NKAIN3: variants seen among roughly 807,000 people sequenced by gnomAD.
The protein encoded by NKAIN3 is sodium/potassium-transporting ATPase subunit beta-1-interacting protein 3.
A neutral mutation model predicts 30.2 loss-of-function variants in NKAIN3; 25 were observed. That is an observed-to-expected ratio of 0.83 (90% CI 0.60 to 1.16). The LOEUF is 1.16. NKAIN3 is among the 50% of genes most tolerant of loss of function. The pLI is 0.00. For synonymous variants in NKAIN3, 91 were observed against 89.6 expected (o/e 1.02, Z -0.09); for missense variants, 225 against 254.1 (o/e 0.89, Z 0.78).
chr8:62,579,901 G>A (rs888614716), intron 2 of NKAIN3, among the ~76,000 whole-genome samples: 1 of 152,104 alleles, frequency 6.6e-6, no homozygotes, highest in Admixed American at 6.6e-5. Context: ...TGATGACATG[G>A]TGTCACTCAC....
intron 3 of NKAIN3, among the ~76,000 whole-genome samples, chr8:62,649,678 T>C (rs1812568413): frequency 6.6e-6 from 1 of 152,126 alleles, no homozygotes; most frequent in Non-Finnish European, 1.5e-5. Flanking sequence ...TTTCTTCAAC[T>C]CTTAAAACAC....
chr8:62,850,332 T>C (rs180935399), intron 4 of NKAIN3, among the ~76,000 whole-genome samples: 210 of 152,160 alleles, frequency 1.4e-3, no homozygotes, highest in African/African-American at 4.9e-3. Context: ...TTTGTTGGAG[T>C]TCATTGTAGA....
rs568028147 is a variant in NKAIN3 at position 62,277,603 on chromosome 8, T to C, written c.54+28476T>C. 3.8e-4 allele frequency among the ~76,000 whole-genome samples: 58 copies of C among 152,316 alleles called. No homozygotes were observed. In the South Asian group the frequency reaches 0.012, roughly 31 times the overall value. ...AAACTGTCTAATATGTAGTCACCTC[T>C]AAAGTAATTCACTTAAGCTAAGTTA... On this transcript the variant is annotated intron_variant, in intron 1 of 6. Transcript: ENST00000623646.
intron 1 of NKAIN3, among the ~76,000 whole-genome samples, chr8:62,476,905 A>T (rs1806537692): frequency 6.6e-6 from 1 of 152,204 alleles, no homozygotes; most frequent in African/African-American, 2.4e-5. Context: ...AGAAAGAAAT[A>T]AAGTGGCTTG....
At position 62,267,001 on chromosome 8, in the gene NKAIN3, C is replaced by T. The variant is rs577785068; in HGVS notation, c.54+17874C>T. ...GCCACTTCAGTAAATGTTGCTAAGA[C>T]CACTGGCTTGCCCTTGAATTATTCC... On this transcript the variant is annotated intron_variant, in intron 1 of 6. Transcript: ENST00000623646. Among the ~76,000 whole-genome samples, 4 of 152,352 alleles carry T rather than the reference C, an allele frequency of 2.6e-5. No homozygotes were observed. The South Asian group carries it at 8.3e-4, about 32-fold the overall frequency.
intron 5 of NKAIN3, among the ~76,000 whole-genome samples, chr8:62,998,359 T>A (rs1002591658): frequency 2.2e-4 from 34 of 151,996 alleles, no homozygotes; most frequent in African/African-American, 7.7e-4. Context: ...TACTGAAACC[T>A]CCACCCCCTG....
chr8:62,488,784 T>A (rs868293258), intron 1 of NKAIN3, among the ~76,000 whole-genome samples: 2 of 152,096 alleles, frequency 1.3e-5, no homozygotes, highest in Admixed American at 6.5e-5. Context: ...TTTGCAAAGC[T>A]TGAGATGCTG....
At chr8:62,369,831 C>T (rs1425442555) in intron 1 of NKAIN3, among the ~76,000 whole-genome samples, 2 of 151,732 alleles carry the variant, frequency 1.3e-5, no homozygotes, top group Admixed American at 1.3e-4. Context: ...GCCTATCTCA[C>T]TGTTTCTTTG....
At chr8:62,754,254 T>C (rs920568357) in intron 4 of NKAIN3, among the ~76,000 whole-genome samples, 1 of 152,068 alleles carries the variant, frequency 6.6e-6, no homozygotes, top group Non-Finnish European at 1.5e-5. Context: ...AGTGGACTGC[T>C]CAGTTCTGGG....
At chr8:62,406,445 A>G (rs1274264017) in intron 1 of NKAIN3, among the ~76,000 whole-genome samples, 3 of 152,186 alleles carry the variant, frequency 2.0e-5, no homozygotes, top group African/African-American at 7.2e-5. Context: ...TGAAGGTATA[A>G]GTCTTTTATG....
chr8:62,647,188 G>A (rs1387655819), intron 3 of NKAIN3, among the ~76,000 whole-genome samples: 3 of 152,110 alleles, frequency 2.0e-5, no homozygotes, highest in African/African-American at 4.8e-5. Context: ...GAATTATTTT[G>A]ATACCATCCC....
In NKAIN3 at chr8:62,916,304, T is replaced by C. The variant is rs189632327; in HGVS notation, c.472-2149T>C. Among the ~76,000 whole-genome samples, 56 of 152,328 alleles carry C rather than the reference T, an allele frequency of 3.7e-4. No homozygotes were observed. The East Asian group carries it at 8.3e-3, about 23-fold the overall frequency. ...AGCAGTATATTTAAATAATACAAAT[T>C]TATGTAGTCATTAATAATTAAGCTT... On this transcript the variant is annotated intron_variant, in intron 4 of 6. Transcript: ENST00000623646.
At chr8:62,730,760 A>G (rs1407152262) in intron 3 of NKAIN3, among the ~76,000 whole-genome samples, 1 of 152,198 alleles carries the variant, frequency 6.6e-6, no homozygotes, top group African/African-American at 2.4e-5. Flanking sequence ...CTTGATATAC[A>G]ATTTCTTACT....
intron 3 of NKAIN3, among the ~76,000 whole-genome samples, chr8:62,681,031 A>C (rs576548019): frequency 6.6e-6 from 1 of 152,198 alleles, no homozygotes; most frequent in Non-Finnish European, 1.5e-5. Context: ...AATTATTTCA[A>C]TAAGGGAGAA....
In NKAIN3 at chr8:62,979,400, A is replaced by C. The variant is rs1477620534; in HGVS notation, c.*13993A>C. On this transcript the variant is annotated 3_prime_UTR_variant, in exon 7 of 7. Transcript: ENST00000623646. ...GCAGCTGTCACTGATGATTTAAACA[A>C]GATTGGGTGACTTATTTATGTACAC... The C allele has an allele frequency of 6.6e-6, 1 of 152,214 alleles. No individual in the cohort carries two copies. Among genetic ancestry groups the C allele is most frequent in the Non-Finnish European group, 1.5e-5 (1 of 68,050 alleles). 9.4% of individuals were successfully genotyped at this position (152,214 alleles called of 1,614,324 possible). A position where few individuals can be genotyped will look rare whatever the true frequency, so the allele number is the denominator to read the frequency against.
intron 1 of NKAIN3, among the ~76,000 whole-genome samples, chr8:62,314,161 T>C (rs1814539125): frequency 6.6e-6 from 1 of 152,160 alleles, no homozygotes; most frequent in Non-Finnish European, 1.5e-5. Context: ...AAATATTCCA[T>C]AATGTAACAC....
At chr8:62,635,739 T>C (rs920950160) in intron 3 of NKAIN3, among the ~76,000 whole-genome samples, 1 of 152,190 alleles carries the variant, frequency 6.6e-6, no homozygotes, top group Admixed American at 6.5e-5. Context: ...TGAACCTTCA[T>C]CTTGGACTTT....
intron 1 of NKAIN3, among the ~76,000 whole-genome samples, chr8:62,553,345 T>C (rs1809276745): frequency 6.6e-6 from 1 of 152,188 alleles, no homozygotes; most frequent in Non-Finnish European, 1.5e-5. Flanking sequence ...AAAATGAATG[T>C]CATTTAATAC....
Position 62,970,037 on chromosome 8 carries a change from C to T in NKAIN3, c.*4630C>T, listed in dbSNP as rs1231614487. On this transcript the variant is annotated 3_prime_UTR_variant, in exon 7 of 7. Coordinates refer to ENST00000623646, the MANE Select transcript of NKAIN3 (RefSeq NM_001304533.3). ...TAGTGAGACCGTATCTCTACAAAAA[C>T]AAACAAATAAACAAAAAATACCTAA... Among the ~76,000 whole-genome samples, 2 of 151,124 alleles carry T rather than the reference C, an allele frequency of 1.3e-5. No homozygotes were observed. Among genetic ancestry groups the T allele is most frequent in the East Asian group, 3.9e-4 (2 of 5,088 alleles).
Sources: allele counts gnomAD v4.1 joint callset (sites outside exome capture counted in the v4.1 genomes callset), GRCh38; gene constraint gnomAD v4.1.1; transcripts MANE v1.5; gene names NCBI Gene and HGNC (gene_info 2026-07-23, HGNC 2026-07-21).